The following PDHX variants were observed in gnomAD, a reference collection of about 807,000 sequenced individuals.
PDHX encodes pyruvate dehydrogenase complex component X.
A neutral mutation model predicts 55.3 loss-of-function variants in PDHX; 33 were observed. The observed-to-expected ratio is 0.60, with a 90% CI of 0.45 to 0.80. PDHX has a LOEUF of 0.80. Among genes scored for constraint, PDHX ranks in the 30% least tolerant of loss-of-function variants. The pLI is 0.00. For missense variants in PDHX, 622 were observed against 619.9 expected, an observed-to-expected ratio of 1.00 and a Z score of -0.04; for synonymous variants, 226 against 219.4, an observed-to-expected ratio of 1.03 and a Z score of -0.27.
intron 3 of PDHX, among the ~76,000 whole-genome samples, chr11:34,954,577 T>G (rs1198861613): frequency 6.6e-6 from 1 of 152,228 alleles, no homozygotes; most frequent in Non-Finnish European, 1.5e-5. Flanking sequence ...CCTTTAGTGC[T>G]GCCAGCCACA....
chr11:34,983,503 A>G (rs1243849731), intron 8 of PDHX, among the ~76,000 whole-genome samples: 21 of 152,234 alleles, frequency 1.4e-4, no homozygotes, highest in Admixed American at 1.4e-3. Context: ...TGCAGATGAC[A>G]TGATTGTATA....
At chr11:34,991,633 G>A (rs1043574847) in intron 9 of PDHX, among the ~76,000 whole-genome samples, 1 of 152,088 alleles carries the variant, frequency 6.6e-6, no homozygotes, top group Non-Finnish European at 1.5e-5. Flanking sequence ...GATTGGCCAG[G>A]CATGGTGGCT....
chr11:34,987,066 A>G (rs1005973345), intron 9 of PDHX, among the ~76,000 whole-genome samples: 4 of 152,338 alleles, frequency 2.6e-5, no homozygotes, highest in Admixed American at 6.5e-5. Flanking sequence ...AGCAGTGGCA[A>G]TGAGGACTAG....
chr11:34,990,107 C>G (rs1855727818), intron 9 of PDHX, among the ~76,000 whole-genome samples: 1 of 152,092 alleles, frequency 6.6e-6, no homozygotes, highest in African/African-American at 2.4e-5. Flanking sequence ...AGTTGGTATT[C>G]CTTGAATAAA....
intron 2 of PDHX, chr11:34,941,785 T>G (rs1412983834): frequency 6.5e-6 from 1 of 154,432 alleles, no homozygotes; most frequent in African/African-American, 2.4e-5. Context: ...TCCGTATACT[T>G]CAGTCCTCAG....
rs1287264102 is a variant in PDHX at position 34,957,847 on chromosome 11, A to G, written c.542+264A>G. Reference sequence around the variant, plus strand: ...ATGGAAAACCAAACAGTATGTGTCCATGTTGAGGTTGAATTAGGTTTTAGA... The same window carrying G: ...ATGGAAAACCAAACAGTATGTGTCCGTGTTGAGGTTGAATTAGGTTTTAGA... On this transcript the variant is annotated intron_variant, in intron 4 of 10. Transcript: ENST00000227868. Among the ~76,000 whole-genome samples, 3 of 152,306 alleles carry G rather than the reference A, an allele frequency of 2.0e-5. No individual in the cohort carries two copies. In the East Asian group the frequency reaches 5.8e-4, roughly 29 times the overall value.
Position 34,957,600 on chromosome 11 carries a change from T to G in PDHX, c.542+17T>G, listed in dbSNP as rs1398420552. 1 of 1,596,392 alleles carries G rather than the reference T, an allele frequency of 6.3e-7. No homozygotes were observed. Among genetic ancestry groups the G allele is most frequent in the Admixed American group, 1.7e-5 (1 of 59,932 alleles). ...GACACTACGGTGAGTATATATTTAT[T>G]CAAAGGATGATGTAAAAAAAAAAAG... On this transcript the variant is annotated intron_variant, in intron 4 of 10. Coordinates refer to ENST00000227868, the MANE Select transcript of PDHX (RefSeq NM_003477.3).
intron 5 of PDHX, among the ~76,000 whole-genome samples, chr11:34,964,705 A>T (rs1310669719): frequency 1.3e-5 from 2 of 152,208 alleles, no homozygotes. Flanking sequence ...AACCTTAATT[A>T]CTACAGAGAT....
chr11:34,952,709 C>G (rs1330497675), intron 3 of PDHX, among the ~76,000 whole-genome samples: 1 of 151,038 alleles, frequency 6.6e-6, no homozygotes, highest in Non-Finnish European at 1.5e-5. Context: ...TAAGAGCTAT[C>G]TATGACAAAC....
intron 9 of PDHX, among the ~76,000 whole-genome samples, chr11:34,986,349 A>C (rs1289703672): frequency 6.6e-6 from 1 of 151,460 alleles, no homozygotes; most frequent in Non-Finnish European, 1.5e-5. Context: ...TTATTTGGTC[A>C]GTTCAAAAGT....
chr11:34,934,226 A>G (rs1854250270), intron 2 of PDHX, among the ~76,000 whole-genome samples: 1 of 152,228 alleles, frequency 6.6e-6, no homozygotes, highest in South Asian at 2.1e-4. Flanking sequence ...CAGATATTAC[A>G]TGTTTCCCAC....
At chr11:34,939,504 T>TGTGTGTGTGTGCGC (rs1491574898) in intron 2 of PDHX, among the ~76,000 whole-genome samples, 1 of 148,406 alleles carries the variant, frequency 6.7e-6, no homozygotes, top group African/African-American at 2.6e-5. Flanking sequence ...TGTGTGTGTG[T>TGTGTGTGTGTGCGC]GCACTTGCAT....
At chr11:34,963,696 G>A (rs1855068085) in intron 5 of PDHX, among the ~76,000 whole-genome samples, 1 of 152,168 alleles carries the variant, frequency 6.6e-6, no homozygotes, top group South Asian at 2.1e-4. Context: ...TATTTGTGAA[G>A]AAAATCTTGG....
chr11:34,940,443 G>C (rs1854447016), intron 2 of PDHX, among the ~76,000 whole-genome samples: 1 of 152,072 alleles, frequency 6.6e-6, no homozygotes, highest in Non-Finnish European at 1.5e-5. Flanking sequence ...AAGACACTTT[G>C]GTTCCGTTAT....
At chr11:34,966,854 T>G in intron 6 of PDHX, 40 bp downstream of exon 6, 1 of 1,581,356 alleles carries the variant, frequency 6.3e-7, no homozygotes. Context: ...TTTTTCTTGT[T>G]TTTCTTTTTT....
Position 34,957,415 on chromosome 11 carries a change from G to T in PDHX, c.374G>T (p.Gly125Val), listed in dbSNP as rs746240660. Reference sequence around the variant, plus strand: ...GAAGGAAGTAAAAATATACGGCTAGGTTCACTAATTGGTTTGATAGTAGAA... The same window carrying T: ...GAAGGAAGTAAAAATATACGGCTAGTTTCACTAATTGGTTTGATAGTAGAA... Reference protein sequence around the residue: ...VEEGSKNIRLGSLIGLIVEEG... With the variant: ...VEEGSKNIRLVSLIGLIVEEG... Residue 125 changes from glycine (G) to valine (V), a missense_variant, in exon 4 of 11, where the codon GGT (glycine) becomes GTT (valine). Transcript: ENST00000227868. 1.3e-5 allele frequency: 21 copies of T among 1,612,070 alleles called. No individual in the cohort carries two copies. Among genetic ancestry groups the T allele is most frequent in the Non-Finnish European group, 1.5e-5 (18 of 1,178,378 alleles).
At position 34,953,894 on chromosome 11, in the gene PDHX, C is replaced by G. The variant is rs894347382; in HGVS notation, c.343-3490C>G. On this transcript the variant is annotated intron_variant, in intron 3 of 10. Coordinates refer to ENST00000227868, the MANE Select transcript of PDHX (RefSeq NM_003477.3). ...AATGCTGTGCTGGAACAGTGCTTGGCACTTGAAAGCCAGACAACTGTTATT... is the reference window on the plus strand; with the variant it reads ...AATGCTGTGCTGGAACAGTGCTTGGGACTTGAAAGCCAGACAACTGTTATT... Among the ~76,000 whole-genome samples, 3 of 150,266 alleles carry G rather than the reference C, an allele frequency of 2.0e-5. No homozygotes were observed. The Middle Eastern group carries it at 0.01, about 511-fold the overall frequency.
Position 34,952,068 on chromosome 11 carries a change from A to T in PDHX, c.342+4462A>T, listed in dbSNP as rs1347416922. On this transcript the variant is annotated intron_variant, in intron 3 of 10. Coordinates refer to ENST00000227868, the MANE Select transcript of PDHX (RefSeq NM_003477.3). ...ATCAGAGAATACTACAAACACCTCTACACAAATAAACTAGAAAATCTAGAA... is the reference window on the plus strand; with the variant it reads ...ATCAGAGAATACTACAAACACCTCTTCACAAATAAACTAGAAAATCTAGAA... 1.3e-5 allele frequency among the ~76,000 whole-genome samples: 2 copies of T among 152,202 alleles called. 1 individual carries two copies. The highest frequency in any genetic ancestry group is 1.3e-4 in the Admixed American group (2 of 15,286).
intron 3 of PDHX, among the ~76,000 whole-genome samples, chr11:34,950,269 G>C (rs1488227366): frequency 6.6e-6 from 1 of 151,790 alleles, no homozygotes; most frequent in Non-Finnish European, 1.5e-5. Flanking sequence ...ATTTTTAATT[G>C]AGAAAATAGC....
Sources: allele counts gnomAD v4.1 joint callset (sites outside exome capture counted in the v4.1 genomes callset), GRCh38; gene constraint gnomAD v4.1.1; transcripts MANE v1.5; gene names NCBI Gene and HGNC (gene_info 2026-07-23, HGNC 2026-07-21).